Variants in CCSER1 observed in about 807,000 individuals in gnomAD.
CCSER1 encodes the protein coiled-coil serine rich protein 1.
CCSER1 carries 41 observed loss-of-function variants against 82.0 expected under a neutral mutation model. The ratio of observed to expected loss-of-function variants is 0.50; its 90% confidence interval spans 0.39 to 0.65. CCSER1 has a LOEUF of 0.65. Among genes scored for constraint, CCSER1 ranks in the 30% least tolerant of loss-of-function variants. CCSER1 has a pLI of 0.00. For synonymous variants in CCSER1, 414 were observed against 383.9 expected, an observed-to-expected ratio of 1.08 and a Z score of -0.92; for missense variants, 1,119 against 1,064.2, an observed-to-expected ratio of 1.05 and a Z score of -0.72.
chr4:90,199,181 T>A (rs1442652026), intron 1 of CCSER1, among the ~76,000 whole-genome samples: 2 of 152,194 alleles, frequency 1.3e-5, no homozygotes, highest in African/African-American at 2.4e-5. Flanking sequence ...AATCTTCTTC[T>A]GAGATTTCTA....
intron 9 of CCSER1, among the ~76,000 whole-genome samples, chr4:90,963,264 C>T (rs1387311484): frequency 2.0e-5 from 3 of 152,024 alleles, no homozygotes; most frequent in Non-Finnish European, 4.4e-5. Flanking sequence ...CTTGAATCTC[C>T]GAGGATGTGA....
At chr4:90,532,241 C>T (rs1333927281) in intron 5 of CCSER1, among the ~76,000 whole-genome samples, 1 of 152,166 alleles carries the variant, frequency 6.6e-6, no homozygotes, top group Non-Finnish European at 1.5e-5. Flanking sequence ...TTTTCTCACA[C>T]CATTTGCTTC....
At chr4:90,842,222 T>C (rs1292076415) in intron 8 of CCSER1, among the ~76,000 whole-genome samples, 1 of 152,238 alleles carries the variant, frequency 6.6e-6, no homozygotes, top group Non-Finnish European at 1.5e-5. Context: ...CTTCTGTCTT[T>C]TAAAATGACA....
intron 5 of CCSER1, among the ~76,000 whole-genome samples, chr4:90,568,775 T>TC (rs1779732627): frequency 1.3e-5 from 2 of 149,164 alleles, no homozygotes; most frequent in Admixed American, 1.3e-4. Flanking sequence ...TTTTTTTTTT[T>TC]CCTTTTTGAG....
At chr4:91,296,737 A>T (rs898184619) in intron 10 of CCSER1, among the ~76,000 whole-genome samples, 6 of 151,058 alleles carry the variant, frequency 4.0e-5, no homozygotes, top group Non-Finnish European at 5.9e-5. Context: ...TTTCAATTCA[A>T]TGTATTCTAT....
intron 10 of CCSER1, among the ~76,000 whole-genome samples, chr4:91,481,490 C>T (rs1475286728): frequency 6.6e-6 from 1 of 152,046 alleles, no homozygotes; most frequent in Non-Finnish European, 1.5e-5. Context: ...GCTAATCACC[C>T]CCTTAAAGGC....
intron 3 of CCSER1, among the ~76,000 whole-genome samples, chr4:90,367,971 A>C (rs910348238): frequency 6.6e-6 from 1 of 151,972 alleles, no homozygotes; most frequent in African/African-American, 2.4e-5. Context: ...TATTTTAGGG[A>C]ATTTGATGCA....
chr4:91,525,487 G>A (rs1760724021), intron 10 of CCSER1, among the ~76,000 whole-genome samples: 1 of 152,128 alleles, frequency 6.6e-6, no homozygotes, highest in Non-Finnish European at 1.5e-5. Context: ...ACCGTATAAA[G>A]GAAATTGTAA....
chr4:90,409,488 A>C (rs1443742197), intron 4 of CCSER1, among the ~76,000 whole-genome samples: 1 of 152,234 alleles, frequency 6.6e-6, no homozygotes, highest in Non-Finnish European at 1.5e-5. Flanking sequence ...ACATTCTTAA[A>C]GAAAAGAATT....
intron 6 of CCSER1, among the ~76,000 whole-genome samples, chr4:90,639,526 A>G (rs57333694): frequency 0.038 from 5,813 of 152,122 alleles, 246 homozygotes; most frequent in African/African-American, 0.1. Context: ...ACTCAGGGTG[A>G]CAGACCAGAA....
intron 1 of CCSER1, among the ~76,000 whole-genome samples, chr4:90,185,890 AC>A (rs1322778567): frequency 6.6e-6 from 1 of 152,044 alleles, no homozygotes; most frequent in African/African-American, 2.4e-5. Flanking sequence ...CTCATTAGAG[AC>A]CAATCTAACA....
chr4:90,305,907 G>A (rs1043690491), intron 1 of CCSER1, among the ~76,000 whole-genome samples: 2 of 152,210 alleles, frequency 1.3e-5, no homozygotes, highest in South Asian at 2.1e-4. Context: ...ATTCATGATA[G>A]CCAAGATATG....
At chr4:90,691,099 T>C (rs1735735124) in intron 6 of CCSER1, among the ~76,000 whole-genome samples, 2 of 151,972 alleles carry the variant, frequency 1.3e-5, no homozygotes, top group Non-Finnish European at 1.5e-5. Flanking sequence ...GATAGGTCTT[T>C]AGTAGATGAC....
At chr4:91,178,617 T>C (rs1733660437) in intron 10 of CCSER1, among the ~76,000 whole-genome samples, 1 of 152,200 alleles carries the variant, frequency 6.6e-6, no homozygotes, top group Non-Finnish European at 1.5e-5. Context: ...TATCAGAGAC[T>C]AGGATTGCAA....
chr4:90,748,607 G>A (rs940411833), intron 7 of CCSER1, among the ~76,000 whole-genome samples: 9 of 148,604 alleles, frequency 6.1e-5, no homozygotes, highest in African/African-American at 1.2e-4. Context: ...CTGAGGAATC[G>A]CCACACTGAC....
At chr4:91,216,948 C>T (rs940191352) in intron 10 of CCSER1, among the ~76,000 whole-genome samples, 9 of 152,176 alleles carry the variant, frequency 5.9e-5, no homozygotes, top group Admixed American at 1.3e-4. Flanking sequence ...GTATTGTGTC[C>T]GGAATTGGTG....
At chr4:90,274,023 A>C (rs1727077326) in intron 1 of CCSER1, among the ~76,000 whole-genome samples, 2 of 152,202 alleles carry the variant, frequency 1.3e-5, no homozygotes, top group South Asian at 2.1e-4. Flanking sequence ...ATTTAAAAAC[A>C]AATTTTGCAT....
intron 10 of CCSER1, among the ~76,000 whole-genome samples, chr4:91,364,275 A>G (rs17018424): frequency 0.21 from 31,686 of 151,760 alleles, 4,193 homozygotes; most frequent in East Asian, 0.52. Flanking sequence ...AGGTACAAAA[A>G]CTCTTCTATA....
At chr4:90,763,917 G>T (rs2094240945) in intron 7 of CCSER1, among the ~76,000 whole-genome samples, 1 of 151,944 alleles carries the variant, frequency 6.6e-6, no homozygotes. Flanking sequence ...TAACTTTCCG[G>T]TGTCCTCTGC....
Sources: gnomAD v4.1 joint callset for allele counts (sites outside exome capture counted in the v4.1 genomes callset) on GRCh38, gnomAD v4.1.1 for gene constraint, MANE v1.5 for transcripts, NCBI Gene and HGNC (gene_info 2026-07-23, HGNC 2026-07-21) for gene names.